The following MRPS27 variants were observed in gnomAD, a reference collection of about 807,000 sequenced individuals.
The protein encoded by MRPS27 is small ribosomal subunit protein mS27.
Under a neutral mutation model 48.9 loss-of-function variants are expected in MRPS27, and 43 were observed. The observed-to-expected ratio is 0.88, with a 90% CI of 0.69 to 1.13. The LOEUF is 1.13. Among genes scored for constraint, MRPS27 ranks in the 50% most tolerant of loss-of-function variants. The pLI is 0.00. For synonymous variants in MRPS27, 188 were observed against 171.9 expected (o/e 1.09, Z -0.73); for missense variants, 467 against 476.3 (o/e 0.98, Z 0.18).
At chr5:72,288,146 C>G (rs902594081) in intron 4 of MRPS27, among the ~76,000 whole-genome samples, 2 of 151,976 alleles carry the variant, frequency 1.3e-5, no homozygotes, top group African/African-American at 2.4e-5. Flanking sequence ...TGATGAGGCT[C>G]CAGATGAAAT....
intron 4 of MRPS27, among the ~76,000 whole-genome samples, chr5:72,281,068 T>C (rs1158056660): frequency 2.0e-5 from 3 of 152,246 alleles, no homozygotes; most frequent in African/African-American, 4.8e-5. Flanking sequence ...TACACCTTGA[T>C]GCCCTTGGGG....
chr5:72,250,386 C>A (rs1013334766), intron 4 of MRPS27, among the ~76,000 whole-genome samples: 3 of 152,122 alleles, frequency 2.0e-5, no homozygotes, highest in African/African-American at 7.2e-5. Flanking sequence ...CATTCAAGGG[C>A]CTGTCTGATA....
In MRPS27 at chr5:72,232,470, A is replaced by G. The variant is rs1207660941; in HGVS notation, c.564T>C (p.His188=). 4 of 1,612,328 alleles carry G rather than the reference A, an allele frequency of 2.5e-6. No individual in the cohort carries two copies. Among genetic ancestry groups the G allele is most frequent in the Non-Finnish European group, 3.4e-6 (4 of 1,178,830 alleles). The change falls in exon 7 of 11, where the codon CAT becomes CAC. Residue 188 remains histidine, a synonymous_variant. Coordinates refer to ENST00000261413, the MANE Select transcript of MRPS27 (RefSeq NM_015084.3). ...TGAAGTCTGTCTTCTTTGCCAGGCAATGAAATAAAACATAGAGGGAGAGAA... is the reference window on the plus strand; with the variant it reads ...TGAAGTCTGTCTTCTTTGCCAGGCAGTGAAATAAAACATAGAGGGAGAGAA... ...TQLLSLYVLF[H]CLAKKTDFSW... is the part of the protein sequence containing the mutation.
intron 4 of MRPS27, among the ~76,000 whole-genome samples, chr5:72,283,354 G>A (rs2112037431): frequency 6.6e-6 from 1 of 152,222 alleles, no homozygotes; most frequent in South Asian, 2.1e-4. Flanking sequence ...TGTTCATTGA[G>A]TCTGTATCTT....
At chr5:72,269,283 A>G (rs1749175599) in intron 4 of MRPS27, among the ~76,000 whole-genome samples, 1 of 152,188 alleles carries the variant, frequency 6.6e-6, no homozygotes, top group African/African-American at 2.4e-5. Context: ...TTGCTTGCAC[A>G]AAGATGCCCT....
At chr5:72,318,755 T>C (rs865919723) in intron 1 of MRPS27, among the ~76,000 whole-genome samples, 1 of 151,020 alleles carries the variant, frequency 6.6e-6, no homozygotes, top group Non-Finnish European at 1.5e-5. Flanking sequence ...GATCGTGCCA[T>C]TGCACTCTAA....
At chr5:72,319,489 TG>T (rs1350827208) in intron 1 of MRPS27, among the ~76,000 whole-genome samples, 1 of 151,166 alleles carries the variant, frequency 6.6e-6, no homozygotes, top group Non-Finnish European at 1.5e-5. Flanking sequence ...AAACCTCAGA[TG>T]GGAGAAAAAT....
intron 4 of MRPS27, among the ~76,000 whole-genome samples, chr5:72,259,025 C>A (rs1022787560): frequency 1.3e-5 from 2 of 152,078 alleles, no homozygotes; most frequent in African/African-American, 2.4e-5. Flanking sequence ...TCTCTCTCCC[C>A]CTCCCCCAAC....
chr5:72,301,632 T>C (rs1378733681), intron 2 of MRPS27, among the ~76,000 whole-genome samples: 1 of 152,212 alleles, frequency 6.6e-6, no homozygotes, highest in Non-Finnish European at 1.5e-5. Context: ...TAACTCAAGA[T>C]TGCATGTGAA....
intron 7 of MRPS27, among the ~76,000 whole-genome samples, chr5:72,230,330 C>T (rs1041403686): frequency 6.6e-6 from 1 of 152,172 alleles, no homozygotes; most frequent in African/African-American, 2.4e-5. Flanking sequence ...CCCAACTTCC[C>T]CGCTTTATTC....
chr5:72,295,506 T>C (rs758568218), intron 4 of MRPS27, 25 bp downstream of exon 4: 34 of 1,573,802 alleles, frequency 2.2e-5, no homozygotes, highest in Non-Finnish European at 2.9e-5. Flanking sequence ...ACAGAGTACA[T>C]AGCCAAATCA....
intron 2 of MRPS27, 91 bp downstream of exon 2, chr5:72,313,990 C>A: frequency 4.2e-6 from 4 of 949,944 alleles, no homozygotes; most frequent in South Asian, 1.7e-5. Flanking sequence ...ATCATAAAAG[C>A]ATAATTTCAT....
chr5:72,227,813 A>G (rs1288043262), intron 8 of MRPS27: 1 of 162,564 alleles, frequency 6.2e-6, no homozygotes, highest in African/African-American at 2.4e-5. Flanking sequence ...AAGTGCTACT[A>G]CTTCTGCTCT....
At chr5:72,290,280 C>G (rs947832976) in intron 4 of MRPS27, among the ~76,000 whole-genome samples, 1 of 152,128 alleles carries the variant, frequency 6.6e-6, no homozygotes, top group Admixed American at 6.5e-5. Context: ...GGAAAAAGTT[C>G]CCATTGTATA....
chr5:72,279,865 C>T lies in MRPS27; in HGVS notation c.281+15666G>A, dbSNP rs544616906. Among the ~76,000 whole-genome samples, 3 of 151,748 alleles carry T rather than the reference C, an allele frequency of 2.0e-5. No homozygotes were observed. In the South Asian group the frequency reaches 6.2e-4, roughly 31 times the overall value. On this transcript the variant is annotated intron_variant, in intron 4 of 10. Transcript: ENST00000261413. Reference sequence around the variant, plus strand: ...TCTAAAAGTTTTGCTTTTTCCATTTCGGTTTTTAATCTACCTAAAAAAAAT... The same window carrying T: ...TCTAAAAGTTTTGCTTTTTCCATTTTGGTTTTTAATCTACCTAAAAAAAAT...
chr5:72,224,303 G>A (rs1747836725), intron 9 of MRPS27, among the ~76,000 whole-genome samples: 1 of 152,158 alleles, frequency 6.6e-6, no homozygotes, highest in Admixed American at 6.5e-5. Context: ...AGGCTATAGT[G>A]AGCCATGATC....
Position 72,220,955 on chromosome 5 carries a change from G to A in MRPS27, c.1199C>T (p.Ala400Val), listed in dbSNP as rs752723421. 1.2e-5 allele frequency: 19 copies of A among 1,613,998 alleles called. No individual in the cohort carries two copies. The highest frequency in any genetic ancestry group is 2.2e-5 in the East Asian group (1 of 44,884). The change falls in exon 11 of 11, where the codon GCG (alanine) becomes GTG (valine). Residue 400 changes from alanine (A) to valine (V), a missense_variant. Ala to Val is a moderately conservative substitution (Grantham distance 64). Coordinates refer to ENST00000261413, the MANE Select transcript of MRPS27 (RefSeq NM_015084.3). The part of the protein sequence containing the change: ...IQREQQQREQ[A>V]KQEYQAQKAA... ...TTTCTGAGCCTGGTACTCCTGCTTC[G>A]CTTGCTCCCTCTGTTGCTGTTCTCT... is the stretch of plus-strand genomic sequence containing the variant.
intron 2 of MRPS27, among the ~76,000 whole-genome samples, chr5:72,299,949 A>G (rs1263235041): frequency 6.6e-6 from 1 of 152,172 alleles, no homozygotes; most frequent in Non-Finnish European, 1.5e-5. Flanking sequence ...TGTGTCCTCC[A>G]TTCTGTTACA....
intron 4 of MRPS27, among the ~76,000 whole-genome samples, chr5:72,265,233 T>C (rs1749080136): frequency 6.6e-6 from 1 of 152,228 alleles, no homozygotes; most frequent in Non-Finnish European, 1.5e-5. Context: ...ATATGACCAA[T>C]GTAACCTGAG....
Sources: gnomAD v4.1 joint callset for allele counts (sites outside exome capture counted in the v4.1 genomes callset) on GRCh38, gnomAD v4.1.1 for gene constraint, MANE v1.5 for transcripts, NCBI Gene and HGNC (gene_info 2026-07-23, HGNC 2026-07-21) for gene names.